ENOX1: variants seen among roughly 807,000 people sequenced by gnomAD.
The protein encoded by ENOX1 is ecto-NOX disulfide-thiol exchanger 1.
ENOX1 carries 42 observed loss-of-function variants against 82.5 expected under a neutral mutation model. That is an observed-to-expected ratio of 0.51 (90% CI 0.40 to 0.66). The LOEUF (loss-of-function observed/expected upper bound fraction) is 0.66, where lower values mean the gene tolerates loss of function less well. Among genes scored for constraint, ENOX1 ranks in the 30% least tolerant of loss-of-function variants. The pLI is 0.00. For missense variants in ENOX1, 608 were observed against 811.6 expected, an observed-to-expected ratio of 0.75 and a Z score of 3.05; for synonymous variants, 271 against 282.2, an observed-to-expected ratio of 0.96 and a Z score of 0.40.
intron 2 of ENOX1, among the ~76,000 whole-genome samples, chr13:43,564,266 C>T (rs2079818893): frequency 6.6e-6 from 1 of 152,030 alleles, no homozygotes. Flanking sequence ...AATATCCATA[C>T]TACGCAAAGC....
chr13:43,311,869 G>A (rs2047220417), intron 11 of ENOX1, among the ~76,000 whole-genome samples: 1 of 152,202 alleles, frequency 6.6e-6, no homozygotes, highest in African/African-American at 2.4e-5. Context: ...TGGAGGCAAA[G>A]GATTAAGGGT....
chr13:43,231,184 G>T (rs1196393787), intron 15 of ENOX1, among the ~76,000 whole-genome samples: 1 of 152,174 alleles, frequency 6.6e-6, no homozygotes, highest in African/African-American at 2.4e-5. Context: ...CCAGAGGCCT[G>T]ACCATAAACC....
chr13:43,400,849 G>A (rs186742310), intron 5 of ENOX1, among the ~76,000 whole-genome samples: 16 of 152,268 alleles, frequency 1.1e-4, no homozygotes, highest in African/African-American at 3.6e-4. Flanking sequence ...TAAAGATAGA[G>A]CTGGCCTTAG....
chr13:43,714,815 A>G (rs549502130), intron 1 of ENOX1, among the ~76,000 whole-genome samples: 36 of 152,164 alleles, frequency 2.4e-4, no homozygotes, highest in African/African-American at 7.2e-4. Context: ...TGTCTCTGCA[A>G]GTGAGATGCG....
chr13:43,408,601 C>T (rs938658007), intron 5 of ENOX1, among the ~76,000 whole-genome samples: 1 of 152,196 alleles, frequency 6.6e-6, no homozygotes, highest in African/African-American at 2.4e-5. Context: ...CAAGCAGTGG[C>T]ATCCGTGGCT....
chr13:43,531,882 C>T (rs920276770), intron 2 of ENOX1, among the ~76,000 whole-genome samples: 4 of 147,508 alleles, frequency 2.7e-5, no homozygotes, highest in Admixed American at 2.1e-4. Context: ...AATGAGAACA[C>T]ACAGACACAA....
At chr13:43,294,501 C>A (rs1238629645) in intron 12 of ENOX1, among the ~76,000 whole-genome samples, 2 of 152,118 alleles carry the variant, frequency 1.3e-5, no homozygotes, top group Non-Finnish European at 2.9e-5. Context: ...GATGAGGATG[C>A]AGAACTGGAG....
At chr13:43,413,137 C>T (rs543411537) in intron 3 of ENOX1, 149 bp from the exon 4 acceptor site, 21 of 816,552 alleles carry the variant, frequency 2.6e-5, no homozygotes, top group African/African-American at 9.0e-5. Flanking sequence ...CATCGCTCAG[C>T]GGCTGTCTTG....
chr13:43,298,627 T>A, intron 11 of ENOX1, 97 bp from the exon 12 acceptor site: 1 of 1,169,452 alleles, frequency 8.6e-7, no homozygotes, highest in Non-Finnish European at 1.2e-6. Context: ...AAGTTCTTAA[T>A]GTTTGTACCA....
intron 1 of ENOX1, among the ~76,000 whole-genome samples, chr13:43,713,157 T>A (rs2087854218): frequency 6.6e-6 from 1 of 152,242 alleles, no homozygotes; most frequent in Admixed American, 6.5e-5. Context: ...CTTTTCTGCA[T>A]CTATTGAGAT....
At chr13:43,649,557 G>A (rs2084057018) in intron 2 of ENOX1, among the ~76,000 whole-genome samples, 1 of 152,266 alleles carries the variant, frequency 6.6e-6, no homozygotes. Context: ...ATAATTCACT[G>A]ATTCCAAGAA....
At chr13:43,520,901 T>C (rs1188732749) in intron 2 of ENOX1, among the ~76,000 whole-genome samples, 1 of 152,048 alleles carries the variant, frequency 6.6e-6, no homozygotes, top group African/African-American at 2.4e-5. Context: ...ATCCAAACAA[T>C]ATGATTCTTC....
chr13:43,574,357 T>C (rs1250733515), intron 2 of ENOX1, among the ~76,000 whole-genome samples: 1 of 152,132 alleles, frequency 6.6e-6, no homozygotes, highest in African/African-American at 2.4e-5. Context: ...GCTTTTCCCG[T>C]CCAATTAGTA....
chr13:43,586,883 T>C (rs1228443446), intron 2 of ENOX1, among the ~76,000 whole-genome samples: 1 of 147,520 alleles, frequency 6.8e-6, no homozygotes, highest in African/African-American at 2.5e-5. Context: ...GACAACATGG[T>C]GAAACCCTGT....
chr13:43,731,602 A>G (rs1397831073), intron 1 of ENOX1, among the ~76,000 whole-genome samples: 1 of 151,904 alleles, frequency 6.6e-6, no homozygotes, highest in African/African-American at 2.4e-5. Context: ...ATTGAAAATT[A>G]TTAAAACATA....
chr13:43,586,662 T>G (rs1255049442), intron 2 of ENOX1, among the ~76,000 whole-genome samples: 2 of 152,180 alleles, frequency 1.3e-5, no homozygotes, highest in Non-Finnish European at 2.9e-5. Flanking sequence ...TTACTTTTAC[T>G]TTCAGCTCAT....
chr13:43,497,509 T>G (rs183825902), intron 2 of ENOX1, among the ~76,000 whole-genome samples: 1 of 152,254 alleles, frequency 6.6e-6, no homozygotes, highest in Non-Finnish European at 1.5e-5. Context: ...AGATAACCTT[T>G]TTTTCTATTA....
At chr13:43,663,328 C>G (rs927312061) in intron 2 of ENOX1, among the ~76,000 whole-genome samples, 7 of 152,104 alleles carry the variant, frequency 4.6e-5, no homozygotes. Flanking sequence ...AGCCCTATAT[C>G]CCTCTTCACA....
chr13:43,412,712 C>T, intron 4 of ENOX1, 133 bp downstream of exon 4: 3 of 923,318 alleles, frequency 3.2e-6, no homozygotes, highest in Non-Finnish European at 4.7e-6. Context: ...TTCATTTTCA[C>T]TAGTTCTACA....
Sources: gnomAD v4.1 joint callset for allele counts (sites outside exome capture counted in the v4.1 genomes callset) on GRCh38, gnomAD v4.1.1 for gene constraint, MANE v1.5 for transcripts, NCBI Gene and HGNC (gene_info 2026-07-23, HGNC 2026-07-21) for gene names.